KNOP1: variants seen among roughly 807,000 people sequenced by gnomAD.
KNOP1 encodes the protein lysine rich nucleolar protein 1.
A neutral mutation model predicts 30.6 loss-of-function variants in KNOP1; 20 were observed. The observed-to-expected ratio is 0.65, with a 90% confidence interval of 0.46 to 0.95. KNOP1 has a LOEUF of 0.95. Ranked by LOEUF, KNOP1 falls within the 40% of genes least tolerant of loss-of-function variation. The pLI, the probability that KNOP1 is intolerant of heterozygous loss-of-function variation, is 0.00. For missense variants in KNOP1, 540 were observed against 562.0 expected (o/e 0.96, Z 0.40); for synonymous variants, 204 against 210.0 (o/e 0.97, Z 0.25).
intron 2 of KNOP1, among the ~76,000 whole-genome samples, chr16:19,712,461 C>A (rs556785900): frequency 6.6e-6 from 1 of 152,104 alleles, no homozygotes; most frequent in Admixed American, 6.5e-5. Context: ...CTACTAATAC[C>A]GGCTTCTACA....
Position 19,703,484 on chromosome 16 carries a change from A to G in KNOP1, c.*3426T>C, listed in dbSNP as rs376879131. 6.6e-6 allele frequency: 1 copy of G among 152,062 alleles called. No homozygotes were observed. The highest frequency in any genetic ancestry group is 2.4e-5 in the African/African-American group (1 of 41,382). 9.4% of individuals were successfully genotyped at this position (152,062 alleles called of 1,614,324 possible). ...CCTTTTGTTTCGTAACCTAACAAAT[A>G]CACAGGTTCTGAGGAGATGTGGTAG... On this transcript the variant is annotated 3_prime_UTR_variant, in exon 5 of 5. Transcript: ENST00000219837.
rs367676691 is a variant in KNOP1, at chr16:19,714,634, G to A, written c.402C>T (p.Asp134=). 264 of 1,614,034 alleles carry A rather than the reference G, an allele frequency of 1.6e-4. 2 individuals carry two copies. The South Asian group carries it at 1.8e-3, about 11-fold the overall frequency. Residue 134 remains aspartate (D), a synonymous_variant, in exon 2 of 5, where the codon GAC becomes GAT. Transcript: ENST00000219837. ...SHASGVKTSP[D]PRQGEEETRV... ...TGGTTTCCTCCTCACCCTGTCTAGG[G>A]TCTGGGGAGGTTTTCACCCCAGAGG...
At chr16:19,708,259 G>A (rs1182513729) in intron 4 of KNOP1, among the ~76,000 whole-genome samples, 1 of 151,890 alleles carries the variant, frequency 6.6e-6, no homozygotes, top group Non-Finnish European at 1.5e-5. Flanking sequence ...GAACTCGGGG[G>A]TCCCCATTCC....
intron 1 of KNOP1, chr16:19,717,524 A>G (rs1295345230): frequency 1.0e-6 from 1 of 985,338 alleles, no homozygotes; most frequent in Non-Finnish European, 1.2e-6. Context: ...GTTGCGGGTC[A>G]ACTCTTAATC....
In KNOP1 at chr16:19,706,438, C is replaced by T. The variant is rs1027808882; in HGVS notation, c.*472G>A. On this transcript the variant is annotated 3_prime_UTR_variant, in exon 5 of 5. Transcript: ENST00000219837. ...CTATAAGATGGGGCTAATAATAGCA[C>T]CCATTTCATAATTATGAAGATTAAA... The T allele has an allele frequency of 6.4e-6, 1 of 155,670 alleles. No individual in the cohort carries two copies. Among genetic ancestry groups the T allele is most frequent in the Admixed American group, 6.5e-5 (1 of 15,376 alleles). 9.6% of individuals were successfully genotyped at this position (155,670 alleles called of 1,614,324 possible).
Position 19,707,186 on chromosome 16 carries a change from A to C in KNOP1, c.1101T>G (p.Phe367Leu). ...ATTTCAGTTTTTGGTCCTCGTTCTCAAAACCAGCAGTATCCCACTGGCCAA... is the reference window on the plus strand; with the variant it reads ...ATTTCAGTTTTTGGTCCTCGTTCTCCAAACCAGCAGTATCCCACTGGCCAA... ...TQFGQWDTAG[F>L]ENEDQKLKFL... The change falls in exon 5 of 5, where the codon TTT becomes TTG. Residue 367 changes from phenylalanine to leucine, a missense_variant. By Grantham distance (22) the Phe-to-Leu change is conservative. Transcript: ENST00000219837. The C allele has an allele frequency of 6.2e-7, 1 of 1,613,698 alleles. No individual in the cohort carries two copies. Among genetic ancestry groups the C allele is most frequent in the Non-Finnish European group, 8.5e-7 (1 of 1,179,968 alleles).
rs200107473 is a variant in KNOP1, at chr16:19,707,173, G to C, written c.1114C>G (p.Gln372Glu). ...WDTAGFENED[Q>E]KLKFLRLMGG... ...ATAAGTCTGAGAAATTTCAGTTTTT[G>C]GTCCTCGTTCTCAAAACCAGCAGTA... Residue 372 changes from glutamine to glutamate, a missense_variant, in exon 5 of 5, where the codon CAA (glutamine) becomes GAA (glutamate). Coordinates refer to ENST00000219837, the MANE Select transcript of KNOP1 (RefSeq NM_001012991.3). 2.7e-5 allele frequency: 43 copies of C among 1,613,872 alleles called. No homozygotes were observed. The African/African-American group carries it at 4.5e-4, about 17-fold the overall frequency.
rs1220168466 is a variant in KNOP1, at chr16:19,706,102, C to CA, written c.*807dup. ...CAGTCACATGTGTTTGGTAACAACT[C>CA]AGACACCTCTCTGCCTACAGCTGCT... On this transcript the variant is annotated 3_prime_UTR_variant, in exon 5 of 5. Transcript: ENST00000219837. 4 of 152,272 alleles carry CA rather than the reference C, an allele frequency of 2.6e-5. No individual in the cohort carries two copies. Among genetic ancestry groups the CA allele is most frequent in the Admixed American group, 6.5e-5 (1 of 15,286 alleles). 9.4% of individuals were successfully genotyped at this position (152,272 alleles called of 1,614,324 possible). A position where few individuals can be genotyped will look rare whatever the true frequency, so the allele number is the denominator to read the frequency against.
At position 19,714,552 on chromosome 16, in the gene KNOP1, T is replaced by C. The variant is rs1420641498; in HGVS notation, c.484A>G (p.Thr162Ala). ...KKEKKGAQDP[T>A]AFSVQDPWFC... ...CAAGGGTCCTGGACCGAGAAGGCTG[T>C]GGGGTCCTGGGCCCCCTTTTTTTCC... Residue 162 changes from threonine (T) to alanine (A), a missense_variant, in exon 2 of 5, where the codon ACA becomes GCA. Thr to Ala is a moderately conservative substitution (Grantham distance 58, BLOSUM62 0). Transcript: ENST00000219837. 5 of 1,614,210 alleles carry C rather than the reference T, an allele frequency of 3.1e-6. No homozygotes were observed. Among genetic ancestry groups the C allele is most frequent in the Non-Finnish European group, 4.2e-6 (5 of 1,180,038 alleles).
rs778266449 is a variant in KNOP1, at chr16:19,714,660, C to A, written c.376G>T (p.Ala126Ser). 10 of 1,614,036 alleles carry A rather than the reference C, an allele frequency of 6.2e-6. No homozygotes were observed. In the Admixed American group the frequency reaches 1.5e-4, roughly 24 times the overall value. Residue 126 changes from alanine (A) to serine (S), a missense_variant, in exon 2 of 5, where the codon GCC (alanine) becomes TCC (serine). By Grantham distance (99) the Ala-to-Ser change is moderately conservative (BLOSUM62 1). Coordinates refer to ENST00000219837, the MANE Select transcript of KNOP1 (RefSeq NM_001012991.3). The stretch of plus-strand genomic sequence containing the variant: ...TCTGGGGAGGTTTTCACCCCAGAGG[C>A]ATGGGACATGGCTAGAGGTGACTTC... Reference protein sequence around the residue: ...NKKSPLAMSHASGVKTSPDPR... With the variant: ...NKKSPLAMSHSSGVKTSPDPR...
intron 2 of KNOP1, 146 bp downstream of exon 2, chr16:19,713,972 T>C (rs1976850722): frequency 1.3e-6 from 1 of 760,090 alleles, no homozygotes; most frequent in Non-Finnish European, 2.2e-6. Context: ...AAACTCCCTA[T>C]TCTGGCTGAA....
rs750804956 is a variant in KNOP1, at chr16:19,703,947, C to G, written c.*2963G>C. On this transcript the variant is annotated 3_prime_UTR_variant, in exon 5 of 5. Transcript: ENST00000219837. Reference sequence around the variant, plus strand: ...GTGATGTTGAGTTAGAAAGTCACAGCCTATTACAGACAGAATTTACACCAG... The same window carrying G: ...GTGATGTTGAGTTAGAAAGTCACAGGCTATTACAGACAGAATTTACACCAG... 2.0e-5 allele frequency: 3 copies of G among 152,184 alleles called. No homozygotes were observed. The highest frequency in any genetic ancestry group is 4.4e-5 in the Non-Finnish European group (3 of 68,076). The allele number at this position is 152,184 out of a possible 1,614,324, so 9.4% of individuals were successfully genotyped here. A position where few individuals can be genotyped will look rare whatever the true frequency, so the allele number is the denominator to read the frequency against.
intron 3 of KNOP1, 141 bp downstream of exon 3, chr16:19,711,231 C>T (rs1597467415): frequency 9.0e-6 from 7 of 779,028 alleles, no homozygotes; most frequent in East Asian, 2.5e-5. Flanking sequence ...GGGAGGTGTG[C>T]GTTGGCAGCT....
chr16:19,713,326 CAA>C (rs1457891542), intron 2 of KNOP1, among the ~76,000 whole-genome samples: 1 of 152,180 alleles, frequency 6.6e-6, no homozygotes, highest in Non-Finnish European at 1.5e-5. Context: ...CTCCTGGCCT[CAA>C]GTGATCTGCC....
chr16:19,710,519 C>T lies in KNOP1; in HGVS notation c.1055G>A (p.Arg352Lys). The T allele has an allele frequency of 3.7e-6, 6 of 1,612,978 alleles. No individual in the cohort carries two copies. The highest frequency in any genetic ancestry group is 2.2e-5 in the South Asian group (2 of 91,032). ...ESGKTEASETRKWTGTQFGQW... is the reference protein window; with the variant it reads ...ESGKTEASETKKWTGTQFGQW... ...TAGCCCCAAACTTACCGTCCACTTC[C>T]TGGTTTCAGAAGCTTCCGTTTTGCC... is the stretch of plus-strand genomic sequence containing the variant. Residue 352 changes from arginine (R) to lysine (K), a missense_variant, in exon 4 of 5, where the codon AGG (arginine) becomes AAG (lysine). Arg to Lys is a conservative substitution (Grantham distance 26, BLOSUM62 2). Transcript: ENST00000219837.
chr16:19,713,082 C>A (rs1318452629), intron 2 of KNOP1, among the ~76,000 whole-genome samples: 1 of 152,068 alleles, frequency 6.6e-6, no homozygotes, highest in Non-Finnish European at 1.5e-5. Flanking sequence ...GGACTGATAC[C>A]CGCCCTGTCC....
In KNOP1 at chr16:19,703,394, C is replaced by T. The variant is rs150951940; in HGVS notation, c.*3516G>A. 3.9e-5 allele frequency: 6 copies of T among 151,994 alleles called. No individual in the cohort carries two copies. Among genetic ancestry groups the T allele is most frequent in the Non-Finnish European group, 7.4e-5 (5 of 68,010 alleles). 9.4% of individuals were successfully genotyped at this position (151,994 alleles called of 1,614,324 possible). A position where few individuals can be genotyped will look rare whatever the true frequency, so the allele number is the denominator to read the frequency against. Reference sequence around the variant, plus strand: ...CATTTAGGGATCTTTGTGATTCCTCCGGCCCACCCAGAAACACGGGATCCT... The same window carrying T: ...CATTTAGGGATCTTTGTGATTCCTCTGGCCCACCCAGAAACACGGGATCCT... On this transcript the variant is annotated 3_prime_UTR_variant, in exon 5 of 5. Coordinates refer to ENST00000219837, the MANE Select transcript of KNOP1 (RefSeq NM_001012991.3).
chr16:19,713,313 G>A lies in KNOP1; in HGVS notation c.918+805C>T, dbSNP rs564814411. On this transcript the variant is annotated intron_variant, in intron 2 of 4. Transcript: ENST00000219837. ...TCACCATGTTGGCCAGGCTGGTCTC[G>A]AACTCCTGGCCTCAAGTGATCTGCC... Among the ~76,000 whole-genome samples, 153 of 152,220 alleles carry A rather than the reference G, an allele frequency of 1.0e-3. 1 individual carries two copies. Among genetic ancestry groups the A allele is most frequent in the African/African-American group, 3.4e-3 (142 of 41,538 alleles).
chr16:19,718,036 T>A, intron 1 of KNOP1, 122 bp downstream of exon 1: 1 of 1,390,366 alleles, frequency 7.2e-7, no homozygotes. Flanking sequence ...GCACACCGAC[T>A]GGAGGGGTCG....
Sources: allele counts gnomAD v4.1 joint callset (sites outside exome capture counted in the v4.1 genomes callset), GRCh38; gene constraint gnomAD v4.1.1; transcripts MANE v1.5; gene names NCBI Gene and HGNC (gene_info 2026-07-23, HGNC 2026-07-21).